The following LRRTM3 variants were observed in gnomAD, a reference collection of about 807,000 sequenced individuals.
LRRTM3 encodes the protein leucine-rich repeat transmembrane neuronal protein 3.
Under a neutral mutation model 44.7 loss-of-function variants are expected in LRRTM3, and 24 were observed. The ratio of observed to expected loss-of-function variants is 0.54; its 90% CI spans 0.39 to 0.76. LRRTM3 has a LOEUF of 0.76. Ranked by LOEUF, LRRTM3 falls within the 30% of genes least tolerant of loss-of-function variation. LRRTM3 has a pLI of 0.00. For missense variants in LRRTM3, 587 were observed against 702.2 expected (o/e 0.84, Z 1.85); for synonymous variants, 277 against 278.7 (o/e 0.99, Z 0.06).
chr10:67,057,330 G>A (rs1855498921), intron 2 of LRRTM3, among the ~76,000 whole-genome samples: 1 of 152,034 alleles, frequency 6.6e-6, no homozygotes, highest in Non-Finnish European at 1.5e-5. Flanking sequence ...TATACTCTAA[G>A]TTATTATTAA....
At chr10:67,038,190 T>C (rs770913256) in intron 2 of LRRTM3, among the ~76,000 whole-genome samples, 1 of 152,120 alleles carries the variant, frequency 6.6e-6, no homozygotes, top group Non-Finnish European at 1.5e-5. Context: ...TGGATAATCC[T>C]CCTGAATATA....
chr10:67,067,328 G>T (rs1053665170), intron 2 of LRRTM3, among the ~76,000 whole-genome samples: 4 of 151,956 alleles, frequency 2.6e-5, no homozygotes, highest in African/African-American at 9.7e-5. Flanking sequence ...AATATTTATT[G>T]AGCAATAAAC....
intron 2 of LRRTM3, among the ~76,000 whole-genome samples, chr10:66,933,627 G>T (rs1589445628): frequency 6.6e-6 from 1 of 152,026 alleles, no homozygotes; most frequent in African/African-American, 2.4e-5. Flanking sequence ...TTCTCCCCTG[G>T]CCACTCCAGT....
At chr10:66,968,490 GAAGA>G (rs1321313756) in intron 2 of LRRTM3, among the ~76,000 whole-genome samples, 2 of 151,672 alleles carry the variant, frequency 1.3e-5, no homozygotes, top group Non-Finnish European at 2.9e-5. Flanking sequence ...AAGACAAAAT[GAAGA>G]AACTGGATAT....
In LRRTM3 at chr10:67,068,135, G is replaced by T. The variant is rs140878377; in HGVS notation, c.1537-29452G>T. ...TTTGGAAACTATTTAGAGAAATAAT[G>T]AGAGCTAAACTAAGCTGAGTCAGTG... On this transcript the variant is annotated intron_variant, in intron 2 of 2. Transcript: ENST00000361320. Among the ~76,000 whole-genome samples the T allele has an allele frequency of 4.1e-3, 629 of 152,256 alleles. 4 individuals are homozygous for T. Among genetic ancestry groups the T allele is most frequent in the African/African-American group, 0.014 (593 of 41,550 alleles).
At chr10:66,928,650 A>G (rs1847208875) in intron 2 of LRRTM3, among the ~76,000 whole-genome samples, 198 bp downstream of exon 2, 1 of 152,114 alleles carries the variant, frequency 6.6e-6, no homozygotes, top group South Asian at 2.1e-4. Context: ...TAATCAACCC[A>G]TTGAAATTTA....
intron 2 of LRRTM3, among the ~76,000 whole-genome samples, chr10:67,086,715 C>G (rs561299659): frequency 3.9e-5 from 6 of 152,032 alleles, no homozygotes; most frequent in Non-Finnish European, 7.4e-5. Flanking sequence ...TATATAGAGC[C>G]TCTCTGTGAG....
intron 2 of LRRTM3, among the ~76,000 whole-genome samples, chr10:67,025,060 C>T (rs140712060): frequency 0.022 from 3,135 of 144,066 alleles, 89 homozygotes; most frequent in African/African-American, 0.065. Flanking sequence ...AACCCAGGAG[C>T]GGAGGTTGCG....
chr10:67,021,850 T>C (rs575430568), intron 2 of LRRTM3, among the ~76,000 whole-genome samples: 1 of 152,220 alleles, frequency 6.6e-6, no homozygotes, highest in Non-Finnish European at 1.5e-5. Flanking sequence ...ATGGTAGAAA[T>C]AAACAGGAGT....
chr10:66,941,454 A>G (rs1847989505), intron 2 of LRRTM3, among the ~76,000 whole-genome samples: 1 of 152,236 alleles, frequency 6.6e-6, no homozygotes, highest in Non-Finnish European at 1.5e-5. Flanking sequence ...TAAAATTTAC[A>G]AATAAATCTT....
At chr10:66,976,154 G>C (rs1589528791) in intron 2 of LRRTM3, among the ~76,000 whole-genome samples, 1 of 152,092 alleles carries the variant, frequency 6.6e-6, no homozygotes, top group Admixed American at 6.6e-5. Flanking sequence ...ATATGTTCTT[G>C]TGAGAAGGAC....
chr10:66,933,818 G>A (rs527398175), intron 2 of LRRTM3, among the ~76,000 whole-genome samples: 35 of 152,240 alleles, frequency 2.3e-4, no homozygotes, highest in African/African-American at 7.9e-4. Context: ...GGCTTCCTCC[G>A]CTGGATGTAG....
intron 1 of LRRTM3, 67 bp from the exon 2 acceptor site, chr10:66,926,854 T>C: frequency 7.2e-7 from 1 of 1,382,338 alleles, no homozygotes; most frequent in African/African-American, 1.5e-5. Flanking sequence ...TATATGCCTA[T>C]TTTTGCTTGA....
At position 67,089,431 on chromosome 10, in the gene LRRTM3, C is replaced by T. The variant is rs1176508153; in HGVS notation, c.1537-8156C>T. ...TAATTAAAATTAATGATCCAACAGC[C>T]TGTTGTACTCACACCAATTAACCAT... On this transcript the variant is annotated intron_variant, in intron 2 of 2. Transcript: ENST00000361320. Among the ~76,000 whole-genome samples, 5 of 152,086 alleles carry T rather than the reference C, an allele frequency of 3.3e-5. No homozygotes were observed. The East Asian group carries it at 9.7e-4, about 29-fold the overall frequency.
At chr10:66,957,461 T>C (rs928727052) in intron 2 of LRRTM3, among the ~76,000 whole-genome samples, 3 of 143,750 alleles carry the variant, frequency 2.1e-5, no homozygotes, top group Non-Finnish European at 4.5e-5. Context: ...TATATGCATA[T>C]ATATATATGT....
intron 2 of LRRTM3, among the ~76,000 whole-genome samples, chr10:67,019,602 C>A (rs1358010405): frequency 6.6e-6 from 1 of 152,136 alleles, no homozygotes; most frequent in Non-Finnish European, 1.5e-5. Context: ...ATATGGAGTA[C>A]AAAGAGGTTG....
At chr10:67,012,086 A>G (rs1010335545) in intron 2 of LRRTM3, among the ~76,000 whole-genome samples, 3 of 152,238 alleles carry the variant, frequency 2.0e-5, no homozygotes, top group African/African-American at 7.2e-5. Flanking sequence ...CTCCGTAGAT[A>G]CAAGTCAAAC....
rs569495600 is a variant in LRRTM3 at position 66,971,871 on chromosome 10, AT to A, written c.1536+43427del. 1.5e-3 allele frequency among the ~76,000 whole-genome samples: 231 copies of A among 151,666 alleles called. 9 individuals carry two copies. The South Asian group carries it at 0.047, about 31-fold the overall frequency. Reference sequence around the variant, plus strand: ...TATTTCTCATTTCTGAGCCAAAATCATTTTTTTTCAACAAGGTCAGAGCATA... The same window carrying A: ...TATTTCTCATTTCTGAGCCAAAATCATTTTTTTCAACAAGGTCAGAGCATA... On this transcript the variant is annotated intron_variant, in intron 2 of 2. Coordinates refer to ENST00000361320, the MANE Select transcript of LRRTM3 (RefSeq NM_178011.5).
chr10:66,966,967 C>A (rs1361441535), intron 2 of LRRTM3, among the ~76,000 whole-genome samples: 1 of 151,968 alleles, frequency 6.6e-6, no homozygotes, highest in East Asian at 1.9e-4. Context: ...ATTTGGATAT[C>A]ATGGCCTATC....
Sources: allele counts gnomAD v4.1 joint callset (sites outside exome capture counted in the v4.1 genomes callset), GRCh38; gene constraint gnomAD v4.1.1; transcripts MANE v1.5; gene names NCBI Gene and HGNC (gene_info 2026-07-23, HGNC 2026-07-21).